Variants in SLC14A2 observed in about 807,000 individuals in gnomAD.
SLC14A2 encodes the protein urea transporter 2.
Under a neutral mutation model 104.6 loss-of-function variants are expected in SLC14A2, and 91 were observed. The ratio of observed to expected loss-of-function variants is 0.87; its 90% CI spans 0.73 to 1.04. The LOEUF is 1.04. Among genes scored for constraint, SLC14A2 ranks in the 50% least tolerant of loss-of-function variants. The pLI is 0.00. For missense variants in SLC14A2, 1,189 were observed against 1,156.0 expected (o/e 1.03, Z -0.41); for synonymous variants, 476 against 466.4 (o/e 1.02, Z -0.27).
intron 2 of SLC14A2, among the ~76,000 whole-genome samples, chr18:45,553,341 C>T (rs938536368): frequency 1.9e-4 from 29 of 152,226 alleles, no homozygotes; most frequent in Non-Finnish European, 1.5e-5. Flanking sequence ...TGAAGCTTTG[C>T]TTCCCTCACT....
intron 2 of SLC14A2, among the ~76,000 whole-genome samples, chr18:45,571,127 A>T (rs927371965): frequency 1.3e-5 from 2 of 152,216 alleles, no homozygotes; most frequent in Admixed American, 6.5e-5. Context: ...CTGAAGACTG[A>T]TTAACTCCCC....
chr18:45,648,681 T>TA (rs2045671469), intron 10 of SLC14A2, among the ~76,000 whole-genome samples: 2 of 152,228 alleles, frequency 1.3e-5, no homozygotes, highest in African/African-American at 4.8e-5. Flanking sequence ...TTCATATTTT[T>TA]ACCTAATCTC....
intron 1 of SLC14A2, among the ~76,000 whole-genome samples, chr18:45,222,412 T>C (rs2084071717): frequency 6.6e-6 from 1 of 152,174 alleles, no homozygotes; most frequent in Non-Finnish European, 1.5e-5. Flanking sequence ...ATGTGAACAA[T>C]GGAGTATTAG....
At chr18:45,176,737 T>TTGC in the SLC14A2 span, among the ~76,000 whole-genome samples, 4 of 152,176 alleles carry the variant, frequency 2.6e-5, no homozygotes, top group Non-Finnish European at 4.4e-5. Flanking sequence ...CTAATATGAT[T>TTGC]TGCTGGCTCA....
chr18:45,209,906 G>T (rs1208686217), upstream of SLC14A2, among the ~76,000 whole-genome samples: 2 of 152,144 alleles, frequency 1.3e-5, no homozygotes, highest in African/African-American at 2.4e-5. Flanking sequence ...CTGGAAACAA[G>T]GTCAAGCTTT....
chr18:45,628,456 A>AAAG (rs1035193288), intron 4 of SLC14A2, among the ~76,000 whole-genome samples: 8 of 151,694 alleles, frequency 5.3e-5, no homozygotes, highest in East Asian at 3.9e-4. Context: ...AAAAAAAAAA[A>AAAG]AAAGAAAGAA....
chr18:45,574,731 C>T (rs1387859212), intron 2 of SLC14A2, among the ~76,000 whole-genome samples: 1 of 152,174 alleles, frequency 6.6e-6, no homozygotes, highest in African/African-American at 2.4e-5. Flanking sequence ...TTTCATCAAC[C>T]GAAAAGCAAA....
intron 10 of SLC14A2, among the ~76,000 whole-genome samples, chr18:45,659,891 G>A (rs1263748464): frequency 1.3e-5 from 2 of 150,370 alleles, no homozygotes; most frequent in African/African-American, 2.5e-5. Flanking sequence ...TTGGGAGGCC[G>A]AGGCAGGAGG....
chr18:45,354,410 C>A (rs944356934), intron 1 of SLC14A2, among the ~76,000 whole-genome samples: 1 of 152,140 alleles, frequency 6.6e-6, no homozygotes, highest in Non-Finnish European at 1.5e-5. Flanking sequence ...TGGCTGTGAC[C>A]CATTCCTCCG....
At position 45,667,083 on chromosome 18, in the gene SLC14A2, A is replaced by G. The variant is rs2046038604; in HGVS notation, c.1706A>G (p.Glu569Gly). The G allele has an allele frequency of 6.2e-7, 1 of 1,613,190 alleles. No individual in the cohort carries two copies. The highest frequency in any genetic ancestry group is 8.5e-7 in the Non-Finnish European group (1 of 1,179,564). The change falls in exon 13 of 20, where the codon GAG becomes GGG. Residue 569 changes from glutamate (E) to glycine (G), a missense_variant. By Grantham distance (98) the Glu-to-Gly change is moderately conservative. Transcript: ENST00000255226. ...YITGEMKECG[E>G]GLKDKSPVFQ... ...ACAGGAGAGATGAAGGAGTGTGGAGAGGGACTTAAAGGTAAAATTCTATGA... is the reference window on the plus strand; with the variant it reads ...ACAGGAGAGATGAAGGAGTGTGGAGGGGGACTTAAAGGTAAAATTCTATGA...
intron 1 of SLC14A2, among the ~76,000 whole-genome samples, chr18:45,396,464 C>T (rs1406661881): frequency 3.3e-5 from 5 of 152,170 alleles, no homozygotes; most frequent in Non-Finnish European, 7.4e-5. Context: ...TGCTCCCCCA[C>T]TTGTCAACAC....
At chr18:45,268,874 A>C (rs945030006) in intron 1 of SLC14A2, among the ~76,000 whole-genome samples, 1 of 152,032 alleles carries the variant, frequency 6.6e-6, no homozygotes, top group Non-Finnish European at 1.5e-5. Context: ...GCAAAGGTGG[A>C]GGAATTGAAG....
At chr18:45,585,144 C>G (rs1246743938) in intron 2 of SLC14A2, among the ~76,000 whole-genome samples, 1 of 152,034 alleles carries the variant, frequency 6.6e-6, no homozygotes, top group Non-Finnish European at 1.5e-5. Flanking sequence ...CCATGTCCTC[C>G]TCCTCCTCCT....
chr18:45,373,337 T>TAA (rs2085742176), intron 1 of SLC14A2, among the ~76,000 whole-genome samples: 1 of 152,218 alleles, frequency 6.6e-6, no homozygotes, highest in African/African-American at 2.4e-5. Context: ...TGGGTGATGT[T>TAA]AGATTAGCTG....
intron 2 of SLC14A2, among the ~76,000 whole-genome samples, chr18:45,527,402 T>C (rs985613397): frequency 3.9e-5 from 6 of 152,202 alleles, no homozygotes; most frequent in Admixed American, 1.3e-4. Flanking sequence ...TCATTTATTA[T>C]AGATGATGTT....
At chr18:45,327,205 G>C (rs2085244074) in intron 1 of SLC14A2, among the ~76,000 whole-genome samples, 1 of 151,992 alleles carries the variant, frequency 6.6e-6, no homozygotes, top group Non-Finnish European at 1.5e-5. Flanking sequence ...TTATGAGCTA[G>C]CTATCCCACC....
intron 1 of SLC14A2, among the ~76,000 whole-genome samples, chr18:45,274,385 G>A (rs972403470): frequency 1.3e-5 from 2 of 152,072 alleles, no homozygotes; most frequent in Non-Finnish European, 2.9e-5. Flanking sequence ...CTTTATTTTT[G>A]GAAGTCTTTG....
intron 1 of SLC14A2, among the ~76,000 whole-genome samples, chr18:45,382,438 C>T (rs1028421699): frequency 3.3e-5 from 5 of 152,132 alleles, no homozygotes; most frequent in African/African-American, 9.7e-5. Flanking sequence ...AGACTTCATG[C>T]AAAATAGGCC....
chr18:45,652,533 G>A (rs1172559152), intron 10 of SLC14A2, among the ~76,000 whole-genome samples: 1 of 152,174 alleles, frequency 6.6e-6, no homozygotes, highest in African/African-American at 2.4e-5. Flanking sequence ...ATGGACTTGG[G>A]CCCTTTCCCT....
Sources: gnomAD v4.1 joint callset for allele counts (sites outside exome capture counted in the v4.1 genomes callset) on GRCh38, gnomAD v4.1.1 for gene constraint, MANE v1.5 for transcripts, NCBI Gene and HGNC (gene_info 2026-07-23, HGNC 2026-07-21) for gene names.